The following LOC400499 variants were observed in gnomAD, a reference collection of about 807,000 sequenced individuals.
chr16:11,503,029 C>A, the LOC400499 span, among the ~76,000 whole-genome samples: 36 of 151,094 alleles, frequency 2.4e-4, no homozygotes, highest in African/African-American at 8.5e-4. Flanking sequence ...TCCAGCGATC[C>A]TCCCACCTCA....
the LOC400499 span, among the ~76,000 whole-genome samples, chr16:11,515,064 G>T: frequency 6.6e-6 from 1 of 152,164 alleles, no homozygotes; most frequent in Non-Finnish European, 1.5e-5. Flanking sequence ...CCAGCACTTG[G>T]GGAAGCCAAG....
chr16:11,522,413 G>C, the LOC400499 span, among the ~76,000 whole-genome samples: 2 of 152,212 alleles, frequency 1.3e-5, no homozygotes. Context: ...AGGGAATTCT[G>C]TTTGTGAGGG....
the LOC400499 span, among the ~76,000 whole-genome samples, chr16:11,429,931 A>G: frequency 1.3e-5 from 2 of 152,352 alleles, no homozygotes; most frequent in Admixed American, 6.5e-5. Context: ...ACTTCCAAGT[A>G]TCTCACCCCA....
At chr16:11,384,107 A>C in the LOC400499 span, 3 of 1,226,074 alleles carry the variant, frequency 2.4e-6, no homozygotes, top group Non-Finnish European at 3.1e-6. Flanking sequence ...CCCTGGGCCT[A>C]CGAAGTCCTC....
the LOC400499 span, chr16:11,493,687 A>T: frequency 1.0e-5 from 4 of 397,270 alleles, no homozygotes; most frequent in Admixed American, 4.4e-5. Context: ...GATGGCCCCC[A>T]GCCGGATCTC....
the LOC400499 span, chr16:11,439,342 T>C: frequency 2.4e-4 from 96 of 395,298 alleles, no homozygotes; most frequent in African/African-American, 1.9e-3. Flanking sequence ...ACAGGGCTGT[T>C]TGGCTAAGCA....
the LOC400499 span, chr16:11,519,060 C>G: frequency 2.5e-6 from 1 of 398,542 alleles, no homozygotes; most frequent in East Asian, 3.6e-5. Flanking sequence ...TTCTAGGGCC[C>G]TGCAGGATAC....
At chr16:11,515,953 A>C in the LOC400499 span, 3 of 393,946 alleles carry the variant, frequency 7.6e-6, no homozygotes, top group African/African-American at 6.4e-5. Flanking sequence ...GGGCCTGAGA[A>C]TGGAGTGATG....
chr16:11,499,057 AAGGGGGGG>A, the LOC400499 span, among the ~76,000 whole-genome samples: 1 of 74,332 alleles, frequency 1.3e-5, no homozygotes, highest in African/African-American at 5.5e-5. Context: ...TGAAAGGAGG[AAGGGGGGG>A]AGGGGGGAAG....
At chr16:11,399,532 G>T in the LOC400499 span, 1 of 398,746 alleles carries the variant, frequency 2.5e-6, no homozygotes. Context: ...GCTGTTCAAC[G>T]AACACAGCTG....
At chr16:11,446,859 G>A in the LOC400499 span, 1 of 1,536,070 alleles carries the variant, frequency 6.5e-7, no homozygotes, top group Non-Finnish European at 8.7e-7. Flanking sequence ...TATCAGCTGT[G>A]AAGGTCTCCT....
the LOC400499 span, chr16:11,518,835 G>A: frequency 6.0e-5 from 24 of 398,880 alleles, no homozygotes; most frequent in East Asian, 2.1e-4. Context: ...GTTGAAAGAC[G>A]GCAGAGGGCT....
the LOC400499 span, among the ~76,000 whole-genome samples, chr16:11,403,482 T>C: frequency 2.6e-5 from 4 of 151,024 alleles, no homozygotes; most frequent in South Asian, 4.2e-4. Flanking sequence ...TGAGCACACA[T>C]ACACTCATGA....
At chr16:11,493,116 C>T in the LOC400499 span, among the ~76,000 whole-genome samples, 1 of 152,098 alleles carries the variant, frequency 6.6e-6, no homozygotes, top group Non-Finnish European at 1.5e-5. Context: ...GAGGTCAGAT[C>T]CCTCAGGGCC....
chr16:11,454,704 T>C, the LOC400499 span, among the ~76,000 whole-genome samples: 1 of 152,338 alleles, frequency 6.6e-6, no homozygotes, highest in African/African-American at 2.4e-5. Context: ...TTCTGTTGCT[T>C]TAAGCTGCCC....
chr16:11,499,514 T>C, the LOC400499 span, among the ~76,000 whole-genome samples: 1 of 152,012 alleles, frequency 6.6e-6, no homozygotes, highest in African/African-American at 2.4e-5. Context: ...TCTGAGTCAG[T>C]GCCTGATTCT....
At chr16:11,461,260 C>T in the LOC400499 span, 5 of 1,007,800 alleles carry the variant, frequency 5.0e-6, no homozygotes, top group African/African-American at 1.6e-5. Context: ...GTGCACCCTG[C>T]ACAACAGGCC....
At chr16:11,525,023 G>A in the LOC400499 span, among the ~76,000 whole-genome samples, 1 of 152,204 alleles carries the variant, frequency 6.6e-6, no homozygotes, top group Non-Finnish European at 1.5e-5. Flanking sequence ...GGTGGCTCAT[G>A]CCTGTAATCC....
the LOC400499 span, chr16:11,448,851 A>T: frequency 7.9e-7 from 1 of 1,271,918 alleles, no homozygotes; most frequent in Non-Finnish European, 1.0e-6. Flanking sequence ...CGAAGCAGGG[A>T]GAGAGGTAGG....
Sources: gnomAD v4.1 joint callset for allele counts (sites outside exome capture counted in the v4.1 genomes callset) on GRCh38, gnomAD v4.1.1 for gene constraint, MANE v1.5 for transcripts.